MUC15: variants seen among roughly 807,000 people sequenced by gnomAD.
The protein encoded by MUC15 is mucin-15.
MUC15 carries 23 observed loss-of-function variants against 24.0 expected under a neutral mutation model. That is an observed-to-expected ratio of 0.96 (90% CI 0.69 to 1.36). The LOEUF is 1.36. Among genes scored for constraint, MUC15 ranks in the 40% most tolerant of loss-of-function variants. The probability of loss-of-function intolerance (pLI) is 0.00; values close to 1 mark genes in which losing one functional copy is unlikely to be tolerated. For missense variants in MUC15, 442 were observed against 428.2 expected (o/e 1.03, Z -0.29); for synonymous variants, 151 against 156.3 (o/e 0.97, Z 0.25).
In MUC15 at chr11:26,561,062, G is replaced by C. The variant is rs139638065; in HGVS notation, c.*3C>G. ...GCTGTTTAACGCCTTTTTGCTGTTA[G>C]TTCTATACAGAAGTACGAAGTGGAG... On this transcript the variant is annotated 3_prime_UTR_variant, in exon 5 of 5. Coordinates refer to ENST00000529533, the MANE Select transcript of MUC15 (RefSeq NM_001135091.2). 12 of 1,607,130 alleles carry C rather than the reference G, an allele frequency of 7.5e-6. No homozygotes were observed. In the African/African-American group the frequency reaches 1.1e-4, roughly 14 times the overall value.
chr11:26,563,387 T>TTCTCTCTC, intron 3 of MUC15, 122 bp from the exon 4 acceptor site: 1 of 889,822 alleles, frequency 1.1e-6, no homozygotes, highest in African/African-American at 2.3e-5. Context: ...AATGGTGTGT[T>TTCTCTCTC]TCTCTCTCTG....
intron 2 of MUC15, among the ~76,000 whole-genome samples, chr11:26,566,329 C>A (rs1474117686): frequency 1.3e-5 from 2 of 151,886 alleles, no homozygotes; most frequent in Admixed American, 6.6e-5. Flanking sequence ...AAAACGCATT[C>A]TTTATAAAGA....
In MUC15 at chr11:26,561,047, G is replaced by A. The variant is rs767780292; in HGVS notation, c.*18C>T. The A allele has an allele frequency of 1.4e-5, 23 of 1,596,258 alleles. No individual in the cohort carries two copies. The highest frequency in any genetic ancestry group is 1.7e-4 in the Middle Eastern group (1 of 6,038). On this transcript the variant is annotated 3_prime_UTR_variant, in exon 5 of 5. Coordinates refer to ENST00000529533, the MANE Select transcript of MUC15 (RefSeq NM_001135091.2). ...ATGTAGATGACACTTGCTGTTTAAC[G>A]CCTTTTTGCTGTTAGTTCTATACAG...
chr11:26,564,724 CACACACACATATATATATAT>C (rs1375372531), intron 3 of MUC15, among the ~76,000 whole-genome samples: 111 of 57,300 alleles, frequency 1.9e-3, no homozygotes, highest in African/African-American at 3.1e-3. Context: ...CACACACACA[CACACACACATATATATATAT>C]ATATATATAT....
chr11:26,559,673 T>G lies in MUC15; in HGVS notation c.*1392A>C, dbSNP rs763126322. 6 of 1,396,158 alleles carry G rather than the reference T, an allele frequency of 4.3e-6. No individual in the cohort carries two copies. The highest frequency in any genetic ancestry group is 6.1e-6 in the Non-Finnish European group (6 of 982,370). The allele number at this position is 1,396,158 out of a possible 1,614,324, so 86.5% of individuals were successfully genotyped here. A position where few individuals can be genotyped will look rare whatever the true frequency, so the allele number is the denominator to read the frequency against. On this transcript the variant is annotated 3_prime_UTR_variant, in exon 5 of 5. Transcript: ENST00000529533. ...GTGCAAACAGTATTCACTGGCTTATTATAATCAATTTGCATGACTAATATT... is the reference window on the plus strand; with the variant it reads ...GTGCAAACAGTATTCACTGGCTTATGATAATCAATTTGCATGACTAATATT...
chr11:26,561,566 C>T (rs1003671875), intron 4 of MUC15, among the ~76,000 whole-genome samples: 1 of 151,234 alleles, frequency 6.6e-6, no homozygotes, highest in African/African-American at 2.4e-5. Flanking sequence ...GCCTTGTCAA[C>T]ATGTTCAGAA....
At chr11:26,567,817 T>C (rs188179026) in intron 1 of MUC15, among the ~76,000 whole-genome samples, 1 of 151,976 alleles carries the variant, frequency 6.6e-6, no homozygotes, top group African/African-American at 2.4e-5. Context: ...TATATTCAGA[T>C]AGTGAAAATT....
In MUC15 at chr11:26,565,586, T is replaced by C. The variant is rs293980; in HGVS notation, c.354A>G (p.Ser118=). The change falls in exon 3 of 5, where the codon TCA becomes TCG. Residue 118 remains serine, a synonymous_variant. Transcript: ENST00000529533. The part of the protein sequence containing the change: ...SHGITDFSSN[S]SAEHSLGSLK... ...GACTGCCCAAAGAATGCTCTGCTGA[T>C]GAGTTACTGGAGAAATCTGTTATTC... 1,191,817 of 1,613,086 alleles carry C rather than the reference T, an allele frequency of 0.74. 442,911 individuals are homozygous for C. Among genetic ancestry groups the C allele is most frequent in the Admixed American group, 0.84 (50,272 of 59,844 alleles).
intron 3 of MUC15, among the ~76,000 whole-genome samples, chr11:26,564,882 A>G (rs1008022572): frequency 1.3e-4 from 19 of 149,180 alleles, no homozygotes; most frequent in African/African-American, 2.7e-4. Flanking sequence ...AAGCTGTACC[A>G]TTGCTTCAGT....
intron 2 of MUC15, among the ~76,000 whole-genome samples, 198 bp downstream of exon 2, chr11:26,566,854 T>C (rs913712019): frequency 6.6e-6 from 1 of 151,938 alleles, no homozygotes; most frequent in African/African-American, 2.4e-5. Flanking sequence ...GCAGTTGCTT[T>C]ATCATCATTA....
intron 1 of MUC15, among the ~76,000 whole-genome samples, chr11:26,570,986 T>G (rs768865397): frequency 6.6e-6 from 1 of 151,694 alleles, no homozygotes; most frequent in Non-Finnish European, 1.5e-5. Flanking sequence ...AAAGAAAAAA[T>G]AAAAAAGAAA....
In MUC15 at chr11:26,559,528, C is replaced by G. The variant is rs971825259; in HGVS notation, c.*1537G>C. 1.8e-6 allele frequency: 1 copy of G among 560,092 alleles called. No individual in the cohort carries two copies. The highest frequency in any genetic ancestry group is 3.0e-5 in the Admixed American group (1 of 33,888). 34.7% of individuals were successfully genotyped at this position (560,092 alleles called of 1,614,324 possible). On this transcript the variant is annotated 3_prime_UTR_variant, in exon 5 of 5. Coordinates refer to ENST00000529533, the MANE Select transcript of MUC15 (RefSeq NM_001135091.2). ...GAAGAGGGCTAATGTTGTTTCTTCA[C>G]CTCTCCCCATGAGAAAAATCATGTG...
chr11:26,565,710 T>C lies in MUC15; in HGVS notation c.230A>G (p.Glu77Gly), dbSNP rs1565110730. ...ATCTGAGTTTAAGTTTGCTTCACTTTCCAAAGAAATAGGTTTATTTTCCAT... is the reference window on the plus strand; with the variant it reads ...ATCTGAGTTTAAGTTTGCTTCACTTCCCAAAGAAATAGGTTTATTTTCCAT... ...KTMENKPISL[E>G]SEANLNSDKE... is the part of the protein sequence containing the mutation. The change falls in exon 3 of 5, where the codon GAA becomes GGA. Residue 77 changes from glutamate to glycine, a missense_variant. By Grantham distance (98) the Glu-to-Gly change is moderately conservative. Coordinates refer to ENST00000529533, the MANE Select transcript of MUC15 (RefSeq NM_001135091.2). The C allele has an allele frequency of 1.2e-6, 2 of 1,612,986 alleles. No individual in the cohort carries two copies. The highest frequency in any genetic ancestry group is 2.2e-5 in the East Asian group (1 of 44,832).
chr11:26,562,937 G>A (rs993140341), intron 4 of MUC15, 179 bp downstream of exon 4: 85 of 822,130 alleles, frequency 1.0e-4, no homozygotes, highest in Middle Eastern at 3.9e-4. Flanking sequence ...TTCAGTCACA[G>A]GTCTATAATT....
intron 3 of MUC15, among the ~76,000 whole-genome samples, chr11:26,564,430 A>AC (rs1297860525): frequency 1.6e-5 from 1 of 62,970 alleles, no homozygotes; most frequent in Non-Finnish European, 3.5e-5. Flanking sequence ...AAAACAAATT[A>AC]TTAAAAAAAT....
At chr11:26,567,802 T>C (rs1850653244) in intron 1 of MUC15, among the ~76,000 whole-genome samples, 1 of 151,980 alleles carries the variant, frequency 6.6e-6, no homozygotes, top group African/African-American at 2.4e-5. Flanking sequence ...GATAATAAAC[T>C]GTGGTATATT....
At chr11:26,562,564 CT>C (rs1348206854) in intron 4 of MUC15, among the ~76,000 whole-genome samples, 1 of 151,836 alleles carries the variant, frequency 6.6e-6, no homozygotes, top group Non-Finnish European at 1.5e-5. Context: ...TTATGGTTGG[CT>C]TTTTCCATCA....
At chr11:26,566,858 A>G (rs1446478796) in intron 2 of MUC15, among the ~76,000 whole-genome samples, 194 bp downstream of exon 2, 2 of 151,952 alleles carry the variant, frequency 1.3e-5, no homozygotes, top group Non-Finnish European at 2.9e-5. Flanking sequence ...TTGCTTTATC[A>G]TCATTATAAT....
rs77896442 is a variant in MUC15 at position 26,559,387 on chromosome 11, A to G, written c.*1678T>C. The G allele has an allele frequency of 2.8e-3, 539 of 191,068 alleles. 3 individuals carry two copies. The highest frequency in any genetic ancestry group is 0.012 in the African/African-American group (504 of 43,034). The allele number at this position is 191,068 out of a possible 1,614,324, so 11.8% of individuals were successfully genotyped here. A position where few individuals can be genotyped will look rare whatever the true frequency, so the allele number is the denominator to read the frequency against. On this transcript the variant is annotated 3_prime_UTR_variant, in exon 5 of 5. Coordinates refer to ENST00000529533, the MANE Select transcript of MUC15 (RefSeq NM_001135091.2). The stretch of plus-strand genomic sequence containing the variant: ...ATGCCTCACCTGAAAAACTAATTTC[A>G]TACAACTTTCATTAAGTAGTTTGAC...
Sources: gnomAD v4.1 joint callset for allele counts (sites outside exome capture counted in the v4.1 genomes callset) on GRCh38, gnomAD v4.1.1 for gene constraint, MANE v1.5 for transcripts, NCBI Gene and HGNC (gene_info 2026-07-23, HGNC 2026-07-21) for gene names.